Variants in PAH observed in about 807,000 individuals in gnomAD.
The protein encoded by PAH is phenylalanine-4-hydroxylase.
PAH carries 64 observed loss-of-function variants against 62.0 expected under a neutral mutation model. The observed-to-expected ratio is 1.03, with a 90% confidence interval of 0.84 to 1.27. The LOEUF (loss-of-function observed/expected upper bound fraction) is 1.27, where lower values mean the gene tolerates loss of function less well. Among genes scored for constraint, PAH ranks in the 50% most tolerant of loss-of-function variants. PAH has a pLI of 0.00. For synonymous variants in PAH, 195 were observed against 196.2 expected (o/e 0.99, Z 0.05); for missense variants, 579 against 542.8 (o/e 1.07, Z -0.66).
upstream of PAH, chr12:102,958,416 C>CAGG (rs1880008626): frequency 6.5e-7 from 1 of 1,538,194 alleles, no homozygotes; most frequent in Non-Finnish European, 8.8e-7. Context: ...GCAGCAGCAG[C>CAGG]AGCAGCAGCA....
At chr12:102,884,830 C>T (rs562614748) in intron 3 of PAH, among the ~76,000 whole-genome samples, 25 of 152,144 alleles carry the variant, frequency 1.6e-4, no homozygotes, top group Admixed American at 1.3e-3. Flanking sequence ...TTTTCTTGAG[C>T]GCTTATTATG....
intron 1 of PAH, among the ~76,000 whole-genome samples, chr12:102,929,544 T>C (rs937583402): frequency 1.3e-5 from 2 of 152,154 alleles, no homozygotes; most frequent in Non-Finnish European, 2.9e-5. Flanking sequence ...AAGGAACTTT[T>C]ATCTTTATCC....
chr12:102,841,649 T>C (rs556644049), intron 11 of PAH, among the ~76,000 whole-genome samples: 9 of 152,330 alleles, frequency 5.9e-5, no homozygotes, highest in Admixed American at 5.2e-4. Context: ...AAGTATATAT[T>C]TCCACCCCTT....
At chr12:102,884,086 G>C (rs1423316494) in intron 3 of PAH, among the ~76,000 whole-genome samples, 1 of 152,230 alleles carries the variant, frequency 6.6e-6, no homozygotes, top group African/African-American at 2.4e-5. Context: ...CCTCCAGGCA[G>C]CAGCCCAGCT....
rs62642920 is a variant in PAH at position 102,851,691 on chromosome 12, GA to G, written c.907del (p.Ser303ProfsTer38). Reference protein sequence around the residue: ...LFSDRSFAQFSQEIGLASLGA... With the variant: ...LFSDRSFAQFXQEIGLASLGA... ...GCTAAAAAATCCATTCCTTACCTGGGAAAACTGGGCAAAGCTGCGATCTGAA... is the reference window on the plus strand; with the variant it reads ...GCTAAAAAATCCATTCCTTACCTGGGAAACTGGGCAAAGCTGCGATCTGAA... On this transcript the variant is annotated frameshift_variant, in exon 8 of 13. Coordinates refer to ENST00000553106, the MANE Select transcript of PAH (RefSeq NM_000277.3). LOFTEE classifies it high-confidence loss of function. 1 of 1,613,576 alleles carries G rather than the reference GA, an allele frequency of 6.2e-7. No individual in the cohort carries two copies. Among genetic ancestry groups the G allele is most frequent in the East Asian group, 2.2e-5 (1 of 44,870 alleles).
At chr12:102,868,495 G>T (rs556944230) in intron 4 of PAH, among the ~76,000 whole-genome samples, 1 of 151,806 alleles carries the variant, frequency 6.6e-6, no homozygotes, top group Non-Finnish European at 1.5e-5. Context: ...GTTTAGAAAA[G>T]ATTTTATGAC....
rs559989348 is a variant in PAH at position 102,922,487 on chromosome 12, C to T, written c.-95-5262G>A. Among the ~76,000 whole-genome samples the T allele has an allele frequency of 4.4e-3, 677 of 152,270 alleles. 3 individuals are homozygous for T. The highest frequency in any genetic ancestry group is 7.1e-3 in the Non-Finnish European group (485 of 68,012). ...GATTACAGGCGTGAGTCACCACGCCCGGCCCTAAACCTTGCCTTTTTAAAC... is the reference window on the plus strand; with the variant it reads ...GATTACAGGCGTGAGTCACCACGCCTGGCCCTAAACCTTGCCTTTTTAAAC... On this transcript the variant is annotated intron_variant, in intron 1 of 3. Coordinates refer to the PAH transcript ENST00000546844.
intron 1 of PAH, among the ~76,000 whole-genome samples, chr12:102,932,345 T>G (rs1177731484): frequency 6.6e-6 from 1 of 152,224 alleles, no homozygotes; most frequent in Admixed American, 6.5e-5. Flanking sequence ...ACCATCAATA[T>G]CAACTACAAT....
At chr12:102,924,361 T>G (rs925570810) in intron 1 of PAH, among the ~76,000 whole-genome samples, 2 of 116,440 alleles carry the variant, frequency 1.7e-5, no homozygotes, top group Admixed American at 8.7e-5. Context: ...ACTGATGGGT[T>G]TTTTTTTTAA....
At chr12:102,866,798 G>C in intron 4 of PAH, 135 bp from the exon 5 acceptor site, 1 of 772,098 alleles carries the variant, frequency 1.3e-6, no homozygotes, top group South Asian at 1.4e-5. Context: ...TAAAACTAAA[G>C]TCTCGGTTAA....
At chr12:102,931,693 C>T (rs1039206850) in intron 1 of PAH, among the ~76,000 whole-genome samples, 11 of 152,112 alleles carry the variant, frequency 7.2e-5, no homozygotes, top group African/African-American at 2.4e-4. Flanking sequence ...CATTGGTCTC[C>T]GTTAGCACCC....
At chr12:102,930,772 CA>C (rs1878835247) in intron 1 of PAH, among the ~76,000 whole-genome samples, 1 of 152,142 alleles carries the variant, frequency 6.6e-6, no homozygotes, top group African/African-American at 2.4e-5. Flanking sequence ...GATAATAAAG[CA>C]AAAACACACA....
chr12:102,919,297 T>A (rs1053053874), upstream of PAH, among the ~76,000 whole-genome samples: 1 of 152,224 alleles, frequency 6.6e-6, no homozygotes, highest in Non-Finnish European at 1.5e-5. Flanking sequence ...AACTCTTTTT[T>A]CTAATGTTTA....
At chr12:102,847,730 G>C (rs1874917728) in intron 8 of PAH, among the ~76,000 whole-genome samples, 1 of 152,172 alleles carries the variant, frequency 6.6e-6, no homozygotes, top group African/African-American at 2.4e-5. Context: ...GGATTCAGGG[G>C]AGACTTCAAT....
chr12:102,948,596 C>G (rs1000421306), intron 1 of PAH, among the ~76,000 whole-genome samples: 13 of 152,156 alleles, frequency 8.5e-5, no homozygotes, highest in Non-Finnish European at 1.6e-4. Context: ...CTCTCCTCCC[C>G]CTCAAGTCAC....
chr12:102,920,878 A>G (rs1878533909), upstream of PAH, among the ~76,000 whole-genome samples: 1 of 151,358 alleles, frequency 6.6e-6, no homozygotes, highest in South Asian at 2.1e-4. Context: ...TAAATGGTTC[A>G]GAATATCCCA....
chr12:102,887,760 G>A (rs1216188549), intron 3 of PAH, among the ~76,000 whole-genome samples: 1 of 152,108 alleles, frequency 6.6e-6, no homozygotes, highest in Non-Finnish European at 1.5e-5. Context: ...ATCTGGAAGG[G>A]TGTCAGATGG....
At chr12:102,858,872 G>A (rs1375382127) in intron 5 of PAH, among the ~76,000 whole-genome samples, 1 of 152,130 alleles carries the variant, frequency 6.6e-6, no homozygotes, top group Non-Finnish European at 1.5e-5. Flanking sequence ...GAGAAAGCAG[G>A]AAAGATTTAA....
chr12:102,943,845 A>G (rs2136765468), intron 1 of PAH, among the ~76,000 whole-genome samples: 1 of 152,242 alleles, frequency 6.6e-6, no homozygotes, highest in East Asian at 1.9e-4. Flanking sequence ...AGATAGACAC[A>G]AAAAACAGAA....
Sources: allele counts gnomAD v4.1 joint callset (sites outside exome capture counted in the v4.1 genomes callset), GRCh38; gene constraint gnomAD v4.1.1; transcripts MANE v1.5; gene names NCBI Gene and HGNC (gene_info 2026-07-23, HGNC 2026-07-21).